The following FBN2 variants were observed in gnomAD, a reference collection of about 807,000 sequenced individuals.
FBN2 encodes fibrillin-2.
FBN2 carries 105 observed loss-of-function variants against 355.6 expected under a neutral mutation model. That is an observed-to-expected ratio of 0.30 (90% CI 0.25 to 0.35). The LOEUF is 0.35. Among genes scored for constraint, FBN2 ranks in the 10% least tolerant of loss-of-function variants. FBN2 has a pLI of 1.00. For synonymous variants in FBN2, 1,350 were observed against 1,301.2 expected (o/e 1.04, Z -0.81); for missense variants, 3,280 against 3,758.7 (o/e 0.87, Z 3.33).
At chr5:128,432,571 C>A (rs1390300171) in intron 7 of FBN2, among the ~76,000 whole-genome samples, 10 of 152,150 alleles carry the variant, frequency 6.6e-5, no homozygotes, top group Non-Finnish European at 2.9e-5. Flanking sequence ...TACTATCTGG[C>A]TCTTCACAGA....
chr5:128,488,331 T>C (rs868638103), intron 5 of FBN2, among the ~76,000 whole-genome samples: 7 of 152,282 alleles, frequency 4.6e-5, no homozygotes, highest in South Asian at 4.1e-4. Context: ...CCAGTGACTA[T>C]ATATCAACCA....
chr5:128,455,114 C>A (rs1020444130), intron 6 of FBN2, among the ~76,000 whole-genome samples: 7 of 152,098 alleles, frequency 4.6e-5, no homozygotes, highest in Admixed American at 2.0e-4. Context: ...AATGTCACTC[C>A]TAATTAGAGT....
At position 128,330,707 on chromosome 5, in the gene FBN2, A is replaced by G; in HGVS notation, c.4223-12T>C. On this transcript the variant is annotated splice_polypyrimidine_tract_variant and intron_variant, in intron 32 of 64. Coordinates refer to ENST00000262464, the MANE Select transcript of FBN2 (RefSeq NM_001999.4). ...ACATTCGTCCAGATCTGCAGAACAC[A>G]GCAATAAAGTTCAGAAATGAAAATG... The G allele has an allele frequency of 6.2e-7, 1 of 1,613,832 alleles. No homozygotes were observed. The highest frequency in any genetic ancestry group is 8.5e-7 in the Non-Finnish European group (1 of 1,179,714).
At chr5:128,432,896 G>T (rs956477430) in intron 7 of FBN2, among the ~76,000 whole-genome samples, 13 of 151,996 alleles carry the variant, frequency 8.6e-5, no homozygotes, top group Non-Finnish European at 1.5e-4. Context: ...AATCATGGCA[G>T]AAGAAGAGGC....
intron 19 of FBN2, among the ~76,000 whole-genome samples, chr5:128,358,284 TACACTTTAAAGAAGTGGC>T (rs1019254955): frequency 6.6e-6 from 1 of 152,124 alleles, no homozygotes; most frequent in Non-Finnish European, 1.5e-5. Flanking sequence ...TTTAAAGTGG[TACACTTTAAAGAAGTGGC>T]ACACAGTTTT....
chr5:128,279,646 G>C (rs1418083316), intron 56 of FBN2, among the ~76,000 whole-genome samples: 1 of 152,036 alleles, frequency 6.6e-6, no homozygotes, highest in Non-Finnish European at 1.5e-5. Context: ...TGTTTACCTT[G>C]AATTTTACTA....
At chr5:128,424,266 C>T (rs1342864432) in intron 7 of FBN2, among the ~76,000 whole-genome samples, 3 of 152,088 alleles carry the variant, frequency 2.0e-5, no homozygotes, top group Non-Finnish European at 2.9e-5. Flanking sequence ...GCAAAAGGTC[C>T]ATCTGGTGAC....
chr5:128,455,996 A>AAAAACAAAAAAAAAAC (rs2127071554), intron 6 of FBN2, among the ~76,000 whole-genome samples: 2 of 128,172 alleles, frequency 1.6e-5, no homozygotes, highest in Non-Finnish European at 3.3e-5. Context: ...GCAACAAAAA[A>AAAAACAAAAAAAAAAC]AAAAAAAAAA....
intron 8 of FBN2, among the ~76,000 whole-genome samples, chr5:128,398,391 C>A (rs957147466): frequency 6.7e-6 from 1 of 149,706 alleles, no homozygotes; most frequent in Non-Finnish European, 1.5e-5. Context: ...TAATTAATAA[C>A]TAAATTATAT....
intron 24 of FBN2, among the ~76,000 whole-genome samples, chr5:128,344,845 C>G (rs1030703294): frequency 6.6e-6 from 1 of 152,048 alleles, no homozygotes; most frequent in Admixed American, 6.5e-5. Flanking sequence ...AGATTACAGG[C>G]GCGAGCCACC....
intron 5 of FBN2, among the ~76,000 whole-genome samples, chr5:128,496,306 C>T (rs749997441): frequency 3.3e-5 from 5 of 151,838 alleles, no homozygotes; most frequent in Non-Finnish European, 7.4e-5. Context: ...CAAACCAAAT[C>T]CAACAATATA....
chr5:128,426,399 C>T (rs537578328), intron 7 of FBN2, among the ~76,000 whole-genome samples: 11 of 152,214 alleles, frequency 7.2e-5, no homozygotes, highest in East Asian at 1.9e-4. Flanking sequence ...AGACTTAGGA[C>T]GATAAGTCAT....
intron 47 of FBN2, 90 bp downstream of exon 47, chr5:128,301,292 T>A (rs1749708477): frequency 8.6e-7 from 1 of 1,165,836 alleles, no homozygotes; most frequent in South Asian, 1.3e-5. Flanking sequence ...AATGAAATAT[T>A]AATGAGTTCT....
rs1253008874 is a variant in FBN2 at position 128,333,038 on chromosome 5, A to G, written c.4100-4T>C. On this transcript the variant is annotated splice_polypyrimidine_tract_variant and splice_region_variant and intron_variant, in intron 31 of 64. Transcript: ENST00000262464. ...CCAATTTCACACTCATCCACATCTG[A>G]TAAACCATAATTCATAAGAAGAAAA... is the stretch of plus-strand genomic sequence containing the variant. The G allele has an allele frequency of 6.2e-7, 1 of 1,609,888 alleles. No individual in the cohort carries two copies. Among genetic ancestry groups the G allele is most frequent in the South Asian group, 1.1e-5 (1 of 90,978 alleles).
chr5:128,486,499 C>T (rs77327071), intron 5 of FBN2, among the ~76,000 whole-genome samples: 261 of 152,288 alleles, frequency 1.7e-3, no homozygotes, highest in Non-Finnish European at 1.8e-3. Flanking sequence ...GTTCACAACA[C>T]TCTAGTTCCA....
chr5:128,259,611 C>T lies in FBN2; in HGVS notation c.8583G>A (p.Lys2861=), dbSNP rs1764912234. The change falls in exon 65 of 65, where the codon AAG becomes AAA. Residue 2861 remains lysine (K), a synonymous_variant. Coordinates refer to ENST00000262464, the MANE Select transcript of FBN2 (RefSeq NM_001999.4). ...GTGTGTATGTGCCGGGCATGAGCTT[C>T]TTCTTGGCCGTGTGCAAGTAGCTGA... ...NGLSYLHTAK[K]KLMPGTYTLE... The T allele has an allele frequency of 5.0e-6, 8 of 1,614,084 alleles. No individual in the cohort carries two copies. Among genetic ancestry groups the T allele is most frequent in the Non-Finnish European group, 5.9e-6 (7 of 1,180,016 alleles).
intron 8 of FBN2, among the ~76,000 whole-genome samples, chr5:128,401,868 A>G (rs1752807019): frequency 6.6e-6 from 1 of 152,220 alleles, no homozygotes; most frequent in Non-Finnish European, 1.5e-5. Flanking sequence ...GAAGGAAACT[A>G]AGTCATAGGT....
intron 36 of FBN2, among the ~76,000 whole-genome samples, chr5:128,313,532 C>CT (rs900595610): frequency 1.5e-4 from 22 of 151,318 alleles, no homozygotes; most frequent in Admixed American, 7.3e-4. Flanking sequence ...AGGAAATTCA[C>CT]TTTTTTTTTC....
chr5:128,470,871 A>C (rs763815528), intron 5 of FBN2, among the ~76,000 whole-genome samples: 2 of 152,188 alleles, frequency 1.3e-5, no homozygotes, highest in African/African-American at 2.4e-5. Flanking sequence ...CTTCCCACAT[A>C]CTTTAATGTA....
Sources: allele counts gnomAD v4.1 joint callset (sites outside exome capture counted in the v4.1 genomes callset), GRCh38; gene constraint gnomAD v4.1.1; transcripts MANE v1.5; gene names NCBI Gene and HGNC (gene_info 2026-07-23, HGNC 2026-07-21).